Variants in PHF24 observed in about 807,000 individuals in gnomAD.
PHF24 encodes PHD finger protein 24, also known as Galpha inhibitory interacting protein.
PHF24 carries 25 observed loss-of-function variants against 42.6 expected under a neutral mutation model. That is an observed-to-expected ratio of 0.59 (90% confidence interval 0.43 to 0.82). The LOEUF (loss-of-function observed/expected upper bound fraction) is 0.82. Among genes scored for constraint, PHF24 ranks in the 40% least tolerant of loss-of-function variants. The pLI, the probability that PHF24 is intolerant of heterozygous loss-of-function variation, is 0.00. For missense variants in PHF24, 470 were observed against 538.1 expected (o/e 0.87, Z 1.25); for synonymous variants, 185 against 204.8 (o/e 0.90, Z 0.83).
the PHF24 span, among the ~76,000 whole-genome samples, chr9:34,892,036 GTTTTGGAGA>G: frequency 6.6e-6 from 1 of 152,182 alleles, no homozygotes; most frequent in East Asian, 1.9e-4. Flanking sequence ...AGCCTCCCCT[GTTTTGGAGA>G]TTTCTAAAGT....
At chr9:34,723,739 C>T in the PHF24 span, 36 of 1,551,624 alleles carry the variant, frequency 2.3e-5, no homozygotes, top group South Asian at 3.3e-4. Context: ...AAGGCTGACC[C>T]TGTGAAGCCT....
the PHF24 span, among the ~76,000 whole-genome samples, chr9:34,714,364 A>T: frequency 6.6e-6 from 1 of 152,314 alleles, no homozygotes; most frequent in Non-Finnish European, 1.5e-5. Context: ...GTCTCTGAGG[A>T]ATTCTCAGAC....
At chr9:34,777,627 G>A in the PHF24 span, among the ~76,000 whole-genome samples, 1 of 152,180 alleles carries the variant, frequency 6.6e-6, no homozygotes, top group African/African-American at 2.4e-5. Flanking sequence ...CAGTAGCAAA[G>A]TAGTGCTTTG....
At chr9:34,897,455 G>A in the PHF24 span, among the ~76,000 whole-genome samples, 3 of 152,194 alleles carry the variant, frequency 2.0e-5, no homozygotes, top group Non-Finnish European at 1.5e-5. Flanking sequence ...TTGGGGTGAT[G>A]AATACAACCA....
chr9:34,891,630 CCT>C, the PHF24 span, among the ~76,000 whole-genome samples: 1 of 152,198 alleles, frequency 6.6e-6, no homozygotes, highest in African/African-American at 2.4e-5. Flanking sequence ...ACAAATCAAC[CCT>C]CTGTTTCAAT....
At chr9:34,710,000 C>T in the PHF24 span, 4 of 1,614,024 alleles carry the variant, frequency 2.5e-6, no homozygotes, top group African/African-American at 5.3e-5. Flanking sequence ...GCCTTGGTAC[C>T]TTGGGTCCTG....
At chr9:34,684,655 G>A in the PHF24 span, among the ~76,000 whole-genome samples, 1 of 152,224 alleles carries the variant, frequency 6.6e-6, no homozygotes, top group African/African-American at 2.4e-5. Context: ...TTGAGGCCCT[G>A]ACAGAAGGGC....
At chr9:34,977,043 A>C in intron 5 of PHF24, 40 bp from the exon 6 acceptor site, 4 of 1,542,882 alleles carry the variant, frequency 2.6e-6, no homozygotes, top group Non-Finnish European at 3.5e-6. Context: ...GCAGTTTACA[A>C]GATATCTTCA....
At chr9:34,721,173 C>T in the PHF24 span, among the ~76,000 whole-genome samples, 1 of 152,230 alleles carries the variant, frequency 6.6e-6, no homozygotes, top group Non-Finnish European at 1.5e-5. Context: ...CATTCCTTCA[C>T]TTCTGAACCA....
the PHF24 span, among the ~76,000 whole-genome samples, chr9:34,850,784 A>G: frequency 6.6e-6 from 1 of 152,072 alleles, no homozygotes; most frequent in African/African-American, 2.4e-5. Context: ...TTTGGTGTGG[A>G]TGTCCTTTCT....
At chr9:34,785,380 G>A in the PHF24 span, among the ~76,000 whole-genome samples, 50 of 152,280 alleles carry the variant, frequency 3.3e-4, 1 homozygote, top group East Asian at 9.6e-3. Flanking sequence ...CCACCATAAC[G>A]GGGATTAAGT....
chr9:34,687,325 T>A, the PHF24 span, among the ~76,000 whole-genome samples: 1 of 152,184 alleles, frequency 6.6e-6, no homozygotes, highest in Non-Finnish European at 1.5e-5. Context: ...TGTGCAAGAC[T>A]TTGTGGGGTG....
At chr9:34,852,998 G>A in the PHF24 span, among the ~76,000 whole-genome samples, 1 of 152,102 alleles carries the variant, frequency 6.6e-6, no homozygotes, top group Admixed American at 6.5e-5. Flanking sequence ...CCCTTTACCT[G>A]TGATATCTGA....
chr9:34,736,878 C>T, the PHF24 span, among the ~76,000 whole-genome samples: 19,853 of 152,058 alleles, frequency 0.13, 1,424 homozygotes, highest in Middle Eastern at 0.26. Flanking sequence ...AATGTGTCAG[C>T]GTGGAATTCT....
At chr9:34,918,401 A>T in the PHF24 span, 1 of 549,746 alleles carries the variant, frequency 1.8e-6, no homozygotes. Flanking sequence ...GTGAATACCA[A>T]GGTCTTTAAA....
At chr9:34,849,400 T>A in the PHF24 span, among the ~76,000 whole-genome samples, 2 of 151,976 alleles carry the variant, frequency 1.3e-5, no homozygotes, top group Admixed American at 6.6e-5. Flanking sequence ...TAAAGTCTGT[T>A]TTATCAGAGA....
chr9:34,977,554 A>C lies in PHF24; in HGVS notation c.1019A>C (p.His340Pro). The C allele has an allele frequency of 6.2e-7, 1 of 1,608,026 alleles. No individual in the cohort carries two copies. The highest frequency in any genetic ancestry group is 1.7e-5 in the Admixed American group (1 of 59,466). ...GTCCTCATGCCCAGCAGCATCAGCC[A>C]TGTGGGTCCCATCGCAGATAGCAGC... Residue 340 changes from histidine (H) to proline (P), a missense_variant, in exon 7 of 8, where the codon CAT (histidine) becomes CCT (proline). By Grantham distance (77) the His-to-Pro change is moderately conservative. Transcript: ENST00000242315.
chr9:34,713,501 A>AC, the PHF24 span, among the ~76,000 whole-genome samples: 12 of 146,720 alleles, frequency 8.2e-5, no homozygotes, highest in East Asian at 4.0e-4. Flanking sequence ...ATCAAGTACC[A>AC]CCCCCCCTGC....
the PHF24 span, chr9:34,835,838 G>A: frequency 3.7e-6 from 5 of 1,362,326 alleles, no homozygotes; most frequent in Non-Finnish European, 5.1e-6. Context: ...CTGGAATGGA[G>A]CTCTATACTC....
Sources: gnomAD v4.1 joint callset for allele counts (sites outside exome capture counted in the v4.1 genomes callset) on GRCh38, gnomAD v4.1.1 for gene constraint, MANE v1.5 for transcripts, NCBI Gene and HGNC (gene_info 2026-07-23, HGNC 2026-07-21) for gene names.